CPNE8: variants seen among roughly 807,000 people sequenced by gnomAD.
CPNE8 encodes copine-8.
A neutral mutation model predicts 81.5 loss-of-function variants in CPNE8; 45 were observed. The observed-to-expected ratio is 0.55, with a 90% CI of 0.44 to 0.71. The LOEUF (loss-of-function observed/expected upper bound fraction) is 0.71. CPNE8 is among the 30% of genes least tolerant of loss of function. The pLI is 0.00. For synonymous variants in CPNE8, 252 were observed against 226.3 expected (o/e 1.11, Z -1.02); for missense variants, 594 against 672.1 (o/e 0.88, Z 1.28).
chr12:38,905,873 G>C, upstream of CPNE8: 6 of 985,378 alleles, frequency 6.1e-6, no homozygotes, highest in Non-Finnish European at 7.2e-6. Context: ...GACCCAGCAA[G>C]CAGCCTGATG....
At chr12:38,875,010 A>G (rs1040177299) in intron 1 of CPNE8, among the ~76,000 whole-genome samples, 1 of 152,182 alleles carries the variant, frequency 6.6e-6, no homozygotes, top group Non-Finnish European at 1.5e-5. Flanking sequence ...GATGAGTTTT[A>G]TGTTGCTATT....
intron 6 of CPNE8, among the ~76,000 whole-genome samples, chr12:38,790,993 A>G (rs1196536137): frequency 6.6e-6 from 1 of 151,690 alleles, no homozygotes; most frequent in Non-Finnish European, 1.5e-5. Flanking sequence ...TTCTTCTTTC[A>G]CAGCAGTCTC....
intron 3 of CPNE8, among the ~76,000 whole-genome samples, chr12:38,854,950 A>G (rs1943706883): frequency 6.6e-6 from 1 of 152,156 alleles, no homozygotes; most frequent in African/African-American, 2.4e-5. Flanking sequence ...TTGGAAAGAA[A>G]GAAGTGAAAC....
At chr12:38,713,553 C>T (rs1487595255) in intron 13 of CPNE8, among the ~76,000 whole-genome samples, 1 of 152,064 alleles carries the variant, frequency 6.6e-6, no homozygotes, top group African/African-American at 2.4e-5. Context: ...GGTTTGCATT[C>T]CAGTTTGTCA....
At chr12:38,742,657 A>G (rs1941135314) in intron 10 of CPNE8, among the ~76,000 whole-genome samples, 1 of 147,986 alleles carries the variant, frequency 6.8e-6, no homozygotes, top group Admixed American at 7.0e-5. Flanking sequence ...GTGCACATGT[A>G]CCCTAGAACT....
chr12:38,892,995 A>G (rs1459174638), intron 1 of CPNE8, among the ~76,000 whole-genome samples: 1 of 151,126 alleles, frequency 6.6e-6, no homozygotes, highest in East Asian at 1.9e-4. Flanking sequence ...ATAATCTAAC[A>G]TAATAGTTCT....
intron 4 of CPNE8, among the ~76,000 whole-genome samples, chr12:38,844,562 A>G (rs998711189): frequency 1.3e-5 from 2 of 152,198 alleles, no homozygotes; most frequent in Non-Finnish European, 2.9e-5. Flanking sequence ...TAGGACTTAT[A>G]GCCGATAAGG....
intron 5 of CPNE8, among the ~76,000 whole-genome samples, chr12:38,833,595 C>T (rs551427444): frequency 1.3e-5 from 2 of 151,004 alleles, no homozygotes; most frequent in Admixed American, 1.3e-4. Flanking sequence ...TCTCCTGCCT[C>T]AGCCTCCCGA....
At chr12:38,805,965 C>A (rs1221699279) in intron 6 of CPNE8, among the ~76,000 whole-genome samples, 1 of 150,104 alleles carries the variant, frequency 6.7e-6, no homozygotes, top group South Asian at 2.1e-4. Context: ...TCAGAGAATA[C>A]TACAAACACC....
intron 19 of CPNE8, among the ~76,000 whole-genome samples, chr12:38,654,981 G>A (rs938563986): frequency 6.6e-6 from 1 of 152,104 alleles, no homozygotes; most frequent in Non-Finnish European, 1.5e-5. Flanking sequence ...GAAATATTCA[G>A]TACATTGAGT....
chr12:38,848,290 T>A (rs1943588747), intron 4 of CPNE8, among the ~76,000 whole-genome samples: 1 of 152,118 alleles, frequency 6.6e-6, no homozygotes. Context: ...ATAGAACTTG[T>A]AGGAAATCCA....
chr12:38,715,101 G>T (rs769528796), intron 13 of CPNE8, among the ~76,000 whole-genome samples: 1 of 152,016 alleles, frequency 6.6e-6, no homozygotes, highest in Non-Finnish European at 1.5e-5. Flanking sequence ...GAAACAAGAA[G>T]AGATAAAATT....
chr12:38,819,350 A>G (rs1943077204), intron 6 of CPNE8, among the ~76,000 whole-genome samples: 1 of 152,184 alleles, frequency 6.6e-6, no homozygotes, highest in Admixed American at 6.5e-5. Flanking sequence ...TTTTCTGCAT[A>G]TGGCTAGCCA....
intron 16 of CPNE8, among the ~76,000 whole-genome samples, chr12:38,678,297 TACTC>T (rs1181031688): frequency 2.6e-5 from 4 of 152,026 alleles, no homozygotes; most frequent in Non-Finnish European, 2.9e-5. Flanking sequence ...TATCAAATAA[TACTC>T]AGTAATTTAG....
chr12:38,783,425 T>TGCAGCTAC lies in CPNE8; in HGVS notation c.408-7132_408-7125dup, dbSNP rs1397352976. 4.6e-5 allele frequency among the ~76,000 whole-genome samples: 7 copies of TGCAGCTAC among 152,202 alleles called. No individual in the cohort carries two copies. In the East Asian group the frequency reaches 1.4e-3, roughly 29 times the overall value. The stretch of plus-strand genomic sequence containing the variant: ...CAGTGTCACCCCTCCCTAATCCCCT[T>TGCAGCTAC]GCAGCTACACTGTGGTGCTGAGAAC... On this transcript the variant is annotated intron_variant, in intron 6 of 19. Transcript: ENST00000331366.
At chr12:38,871,505 T>G (rs1384256429) in intron 3 of CPNE8, among the ~76,000 whole-genome samples, 1 of 152,108 alleles carries the variant, frequency 6.6e-6, no homozygotes, top group African/African-American at 2.4e-5. Context: ...TTCAGGAAGA[T>G]AATCAAAGGG....
intron 10 of CPNE8, among the ~76,000 whole-genome samples, chr12:38,754,207 T>C (rs1040996613): frequency 2.0e-5 from 3 of 152,094 alleles, no homozygotes; most frequent in Non-Finnish European, 2.9e-5. Flanking sequence ...CAAGCAAATA[T>C]GTGGGATAGA....
chr12:38,766,496 T>C (rs1289722005), intron 8 of CPNE8, among the ~76,000 whole-genome samples: 1 of 152,176 alleles, frequency 6.6e-6, no homozygotes, highest in Non-Finnish European at 1.5e-5. Flanking sequence ...CAAAATCTAA[T>C]AGTATAACAC....
At chr12:38,703,821 T>A (rs139368249) in intron 13 of CPNE8, among the ~76,000 whole-genome samples, 1 of 151,952 alleles carries the variant, frequency 6.6e-6, no homozygotes, top group Non-Finnish European at 1.5e-5. Context: ...GAGGGCCAAA[T>A]GAAGAATGCA....
Sources: allele counts gnomAD v4.1 joint callset (sites outside exome capture counted in the v4.1 genomes callset), GRCh38; gene constraint gnomAD v4.1.1; transcripts MANE v1.5; gene names NCBI Gene and HGNC (gene_info 2026-07-23, HGNC 2026-07-21).